Variants in MPRIP observed in about 807,000 individuals in gnomAD.
The protein encoded by MPRIP is myosin phosphatase Rho interacting protein.
Under a neutral mutation model 234.9 loss-of-function variants are expected in MPRIP, and 59 were observed. The observed-to-expected ratio is 0.25, with a 90% CI of 0.20 to 0.31. The LOEUF (loss-of-function observed/expected upper bound fraction) is 0.31. Among genes scored for constraint, MPRIP ranks in the 10% least tolerant of loss-of-function variants. The pLI, the probability that MPRIP is intolerant of heterozygous loss-of-function variation, is 1.00. For synonymous variants in MPRIP, 1,144 were observed against 1,263.9 expected, an observed-to-expected ratio of 0.91 and a Z score of 2.01; for missense variants, 2,436 against 3,071.0, an observed-to-expected ratio of 0.79 and a Z score of 4.89.
At chr17:17,128,137 T>C (rs781506605) in intron 4 of MPRIP, among the ~76,000 whole-genome samples, 2 of 152,204 alleles carry the variant, frequency 1.3e-5, no homozygotes, top group Non-Finnish European at 2.9e-5. Flanking sequence ...GGGCACCTTC[T>C]GCACTTTCTG....
chr17:17,104,037 A>AG (rs5819600), intron 3 of MPRIP, among the ~76,000 whole-genome samples: 116,499 of 152,086 alleles, frequency 0.77, 44,924 homozygotes, highest in East Asian at 0.99. Context: ...TTTCCTCAGG[A>AG]TAAAACTAAG....
In MPRIP at chr17:17,164,206, A is replaced by G. The variant is rs1159514179; in HGVS notation, c.2615A>G (p.Glu872Gly). Residue 872 changes from glutamate to glycine, a missense_variant, in exon 16 of 24, where the codon GAG (glutamate) becomes GGG (glycine). Glu to Gly is a moderately conservative substitution (Grantham distance 98). Coordinates refer to ENST00000651222, the MANE Select transcript of MPRIP (RefSeq NM_001364716.4). ...SELEAQCQRQ[E>G]LITHQIQTLK... The stretch of plus-strand genomic sequence containing the variant: ...CTTGAAGCCCAGTGCCAGCGCCAGG[A>G]GCTGATTACACACCAGATTCAGACC... 1 of 1,304,250 alleles carries G rather than the reference A, an allele frequency of 7.7e-7. No homozygotes were observed. Among genetic ancestry groups the G allele is most frequent in the African/African-American group, 1.5e-5 (1 of 65,874 alleles). 80.8% of individuals were successfully genotyped at this position (1,304,250 alleles called of 1,614,324 possible). A position where few individuals can be genotyped will look rare whatever the true frequency, so the allele number is the denominator to read the frequency against.
chr17:17,111,225 CAAAAAAAAAAAAA>C (rs55714262), intron 3 of MPRIP, among the ~76,000 whole-genome samples: 3 of 86,560 alleles, frequency 3.5e-5, no homozygotes, highest in African/African-American at 9.2e-5. Context: ...GGGGTAGTCC[CAAAAAAAAAAAAA>C]AAAAAAAAAA....
rs1416534180 is a variant in MPRIP, at chr17:17,166,038, C to T, written c.4447C>T (p.Arg1483Ter). The T allele has an allele frequency of 7.7e-7, 1 of 1,303,696 alleles. No homozygotes were observed. The highest frequency in any genetic ancestry group is 1.0e-6 in the Non-Finnish European group (1 of 988,694). The allele number at this position is 1,303,696 out of a possible 1,614,324, so 80.8% of individuals were successfully genotyped here. A position where few individuals can be genotyped will look rare whatever the true frequency, so the allele number is the denominator to read the frequency against. The stretch of plus-strand genomic sequence containing the variant: ...GGCCCTGATGTGCCTGGAAAATTGC[C>T]GAGAACAACTGAGATCTCTGCCTAG... Reference protein sequence around the residue: ...SQALMCLENCREQLRSLPRAS... With the variant: ...SQALMCLENC The change falls in exon 16 of 24, where the codon CGA becomes TGA. Residue 1483 changes from arginine to a stop codon, truncating the protein, a stop_gained. Coordinates refer to ENST00000651222, the MANE Select transcript of MPRIP (RefSeq NM_001364716.4). LOFTEE classifies it high-confidence loss of function. This position sits in a 1 kb window ranked among gnomAD's most constrained non-coding sequence, Gnocchi z 4.4.
At position 17,171,819 on chromosome 17, in the gene MPRIP, A is replaced by G. The variant is rs1444208907; in HGVS notation, c.6426A>G (p.Glu2142=). 6.2e-7 allele frequency: 1 copy of G among 1,613,664 alleles called. No homozygotes were observed. The highest frequency in any genetic ancestry group is 1.1e-5 in the South Asian group (1 of 91,080). Residue 2142 remains glutamate, a synonymous_variant, in exon 17 of 24, where the codon GAA becomes GAG. Transcript: ENST00000651222. The part of the protein sequence containing the change: ...QHQRELEKLR[E]EKDRLLAEET... ...AGCGGGAGCTAGAGAAACTTCGAGA[A>G]GAGAAAGACCGCCTCCTAGCCGAGG...
intron 3 of MPRIP, among the ~76,000 whole-genome samples, chr17:17,083,433 G>T (rs888107939): frequency 6.6e-6 from 1 of 152,038 alleles, no homozygotes; most frequent in Non-Finnish European, 1.5e-5. Flanking sequence ...AGGTTGCCTT[G>T]TTCTTGGGAC....
In MPRIP at chr17:17,165,786, G is replaced by A; in HGVS notation, c.4195G>A (p.Asp1399Asn). The part of the protein sequence containing the change: ...KLYVTEEKLK[D>N]VTVRLESQQG... ...CTACGTCACAGAGGAAAAGCTCAAA[G>A]ACGTGACCGTGAGGCTGGAGAGCCA... The change falls in exon 16 of 24, where the codon GAC becomes AAC. Residue 1399 changes from aspartate to asparagine, a missense_variant. Physicochemically the swap from Asp to Asn is conservative, Grantham distance 23. Transcript: ENST00000651222. 7.7e-7 allele frequency: 1 copy of A among 1,304,608 alleles called. No individual in the cohort carries two copies. The highest frequency in any genetic ancestry group is 1.0e-6 in the Non-Finnish European group (1 of 988,978). 80.8% of individuals were successfully genotyped at this position (1,304,608 alleles called of 1,614,324 possible).
chr17:17,066,992 A>G (rs1317859422), intron 1 of MPRIP, among the ~76,000 whole-genome samples: 1 of 151,802 alleles, frequency 6.6e-6, no homozygotes, highest in Non-Finnish European at 1.5e-5. Flanking sequence ...TCCTGGCTTC[A>G]TGCCATCCTC....
intron 22 of MPRIP, among the ~76,000 whole-genome samples, chr17:17,178,916 C>T (rs112438703): frequency 0.087 from 13,024 of 150,178 alleles, 709 homozygotes; most frequent in Middle Eastern, 0.16. Context: ...GAGACCCTGC[C>T]TCAAAAAAAA....
intron 11 of MPRIP, 83 bp from the exon 12 acceptor site, chr17:17,150,061 G>T (rs1014984119): frequency 1.8e-4 from 176 of 1,002,770 alleles, no homozygotes; most frequent in Non-Finnish European, 2.6e-4. Context: ...AGTCAGTGCA[G>T]AAAATCACTT....
At chr17:17,154,188 C>T in intron 12 of MPRIP, 118 bp from the exon 13 acceptor site, 2 of 811,734 alleles carry the variant, frequency 2.5e-6, no homozygotes, top group South Asian at 1.6e-5. Flanking sequence ...GAAGGGTCAC[C>T]CAGTCACAGC....
intron 9 of MPRIP, among the ~76,000 whole-genome samples, chr17:17,144,058 C>T (rs1045901773): frequency 1.3e-5 from 2 of 152,228 alleles, no homozygotes; most frequent in African/African-American, 4.8e-5. Context: ...TCTCGTTCTC[C>T]GTGTCATGCC....
chr17:17,155,250 C>T (rs2045701650), intron 13 of MPRIP, among the ~76,000 whole-genome samples: 1 of 150,088 alleles, frequency 6.7e-6, no homozygotes, highest in South Asian at 2.2e-4. Context: ...GACCTAAAAG[C>T]GTGTTCTTTT....
At chr17:17,154,603 G>A (rs1452445625) in intron 13 of MPRIP, among the ~76,000 whole-genome samples, 188 bp downstream of exon 13, 1 of 152,150 alleles carries the variant, frequency 6.6e-6, no homozygotes, top group Non-Finnish European at 1.5e-5. Flanking sequence ...AACATTTCTG[G>A]TTCTTTTCTC....
chr17:17,076,194 G>T (rs1365797869), intron 2 of MPRIP: 1 of 161,222 alleles, frequency 6.2e-6, no homozygotes, highest in African/African-American at 2.4e-5. Flanking sequence ...GTGAAGGGTT[G>T]GGGGCCCAGA....
In MPRIP at chr17:17,143,616, C is replaced by G; in HGVS notation, c.1450C>G (p.Pro484Ala). The G allele has an allele frequency of 6.2e-7, 1 of 1,607,298 alleles. No homozygotes were observed. Among genetic ancestry groups the G allele is most frequent in the South Asian group, 1.1e-5 (1 of 89,278 alleles). Residue 484 changes from proline to alanine, a missense_variant, in exon 9 of 24, where the codon CCA becomes GCA. Pro to Ala is a conservative substitution (Grantham distance 27, BLOSUM62 -1). This residue lies in a region of MPRIP where 1,998 missense variants were observed against 2,520.3 expected (regional missense o/e 0.79). Coordinates refer to ENST00000651222, the MANE Select transcript of MPRIP (RefSeq NM_001364716.4). ...LPDASASPLS[P>A]HRRAKSLDRR... ...AGACGCCTCGGCTTCCCCCCTGTCT[C>G]CACACCGAAGAGCCAAGTCACTGGA...
intron 3 of MPRIP, among the ~76,000 whole-genome samples, chr17:17,113,812 C>G (rs2090220853): frequency 6.6e-6 from 1 of 152,030 alleles, no homozygotes; most frequent in South Asian, 2.1e-4. Flanking sequence ...TTTTAACTTA[C>G]CTCTACCCTA....
At chr17:17,051,070 G>A (rs1180342030) in intron 1 of MPRIP, among the ~76,000 whole-genome samples, 3 of 152,170 alleles carry the variant, frequency 2.0e-5, no homozygotes, top group Non-Finnish European at 4.4e-5. Context: ...CCTGTAAAGC[G>A]GGTGCCTGCC....
At chr17:17,128,584 C>T (rs1358808128) in intron 4 of MPRIP, among the ~76,000 whole-genome samples, 1 of 152,046 alleles carries the variant, frequency 6.6e-6, no homozygotes, top group Non-Finnish European at 1.5e-5. Flanking sequence ...CATCTGGGCC[C>T]TACGTGTGTG....
Sources: gnomAD v4.1 joint callset for allele counts (sites outside exome capture counted in the v4.1 genomes callset) on GRCh38, gnomAD v4.1.1 for gene constraint, gnomAD v4.1.1 regional missense constraint, Gnocchi (gnomAD v3.1) non-coding constraint, MANE v1.5 for transcripts, NCBI Gene and HGNC (gene_info 2026-07-23, HGNC 2026-07-21) for gene names.